Variants in SCYL3 observed in about 807,000 individuals in gnomAD.
SCYL3 encodes the protein SCY1 like pseudokinase 3.
Under a neutral mutation model 73.8 loss-of-function variants are expected in SCYL3, and 35 were observed. The ratio of observed to expected loss-of-function variants is 0.47; its 90% CI spans 0.36 to 0.63. The LOEUF is 0.63. SCYL3 is among the 20% of genes least tolerant of loss of function. The pLI, the probability that SCYL3 is intolerant of heterozygous loss-of-function variation, is 0.00. For synonymous variants in SCYL3, 277 were observed against 295.2 expected (o/e 0.94, Z 0.63); for missense variants, 712 against 798.9 (o/e 0.89, Z 1.31).
At position 169,850,555 on chromosome 1, in the gene SCYL3, T is replaced by C; in HGVS notation, c.*3158A>G. 1 of 429,764 alleles carries C rather than the reference T, an allele frequency of 2.3e-6. No homozygotes were observed. 26.6% of individuals were successfully genotyped at this position (429,764 alleles called of 1,614,324 possible). The stretch of plus-strand genomic sequence containing the variant: ...GCTCATGCCTGTAATCCCAGCACTT[T>C]GGGAGGCCAAGGTGGGTGGATCATG... On this transcript the variant is annotated 3_prime_UTR_variant, in exon 13 of 13. Transcript: ENST00000367771.
chr1:169,859,059 T>A lies in SCYL3; in HGVS notation c.1294A>T (p.Thr432Ser), dbSNP rs1659426930. ...TTCTTACCTTCTAGAGAAAGGTCAG[T>A]ATTTTTAGTAAAACTTGGGGCAGTG... Reference protein sequence around the residue: ...KRTAPSFTKNTDLSLEGDPFS... With the variant: ...KRTAPSFTKNSDLSLEGDPFS... The change falls in exon 11 of 13, where the codon ACT becomes TCT. Residue 432 changes from threonine (T) to serine (S), a missense_variant. Transcript: ENST00000367771. The A allele has an allele frequency of 1.2e-6, 2 of 1,613,372 alleles. No homozygotes were observed. Among genetic ancestry groups the A allele is most frequent in the South Asian group, 2.2e-5 (2 of 90,944 alleles).
At chr1:169,874,445 G>T (rs1221977987) in intron 4 of SCYL3, among the ~76,000 whole-genome samples, 5 of 152,180 alleles carry the variant, frequency 3.3e-5, no homozygotes, top group African/African-American at 1.2e-4. Flanking sequence ...ATGCCTAGGG[G>T]AAGGAGTCAC....
chr1:169,862,442 A>G (rs796999652), intron 10 of SCYL3, among the ~76,000 whole-genome samples, 171 bp downstream of exon 10: 4 of 152,374 alleles, frequency 2.6e-5, no homozygotes, highest in African/African-American at 9.6e-5. Context: ...AGTTTAATCA[A>G]TTTGCCTGTG....
At chr1:169,881,322 T>A (rs1661240231) in intron 2 of SCYL3, among the ~76,000 whole-genome samples, 1 of 152,218 alleles carries the variant, frequency 6.6e-6, no homozygotes, top group Non-Finnish European at 1.5e-5. Flanking sequence ...ATAATATGCA[T>A]ATTTTGGGGG....
At chr1:169,893,334 G>T (rs1480868962) in intron 1 of SCYL3, among the ~76,000 whole-genome samples, 1 of 152,116 alleles carries the variant, frequency 6.6e-6, no homozygotes, top group Non-Finnish European at 1.5e-5. Flanking sequence ...GAGGGCGGGC[G>T]CGCCCCCAGG....
intron 4 of SCYL3, among the ~76,000 whole-genome samples, chr1:169,874,622 T>C (rs1159494691): frequency 3.3e-5 from 5 of 152,126 alleles, no homozygotes; most frequent in Non-Finnish European, 4.4e-5. Context: ...AACCAGACTA[T>C]AGCTCAAGAA....
At chr1:169,854,115 G>T in intron 12 of SCYL3, 155 bp downstream of exon 12, 1 of 629,244 alleles carries the variant, frequency 1.6e-6, no homozygotes, top group Non-Finnish European at 2.6e-6. Context: ...GGGAAGGAAA[G>T]ATAGATACCA....
chr1:169,878,544 A>G, intron 3 of SCYL3, 90 bp downstream of exon 3: 1 of 1,113,258 alleles, frequency 9.0e-7, no homozygotes, highest in South Asian at 1.7e-5. Flanking sequence ...ATTTCTATGA[A>G]CACCATAATT....
At chr1:169,874,086 T>C (rs1660623937) in intron 4 of SCYL3, among the ~76,000 whole-genome samples, 1 of 152,156 alleles carries the variant, frequency 6.6e-6, no homozygotes. Context: ...TGCTTAGATA[T>C]TAACAATAAG....
chr1:169,870,975 A>C (rs1660350168), intron 5 of SCYL3, among the ~76,000 whole-genome samples: 1 of 152,232 alleles, frequency 6.6e-6, no homozygotes, highest in African/African-American at 2.4e-5. Flanking sequence ...CTATAAGAAC[A>C]AATTTATAGA....
intron 10 of SCYL3, 60 bp from the exon 11 acceptor site, chr1:169,859,272 G>A: frequency 6.7e-7 from 1 of 1,486,238 alleles, no homozygotes; most frequent in Non-Finnish European, 9.1e-7. Flanking sequence ...TTCTTCCCCT[G>A]TAAATGAGCA....
chr1:169,853,164 A>G lies in SCYL3; in HGVS notation c.*549T>C. On this transcript the variant is annotated 3_prime_UTR_variant, in exon 13 of 13. Transcript: ENST00000367771. ...ATATTCTTATTAAGAACTTTGGTACAATGTACTACATGTGGAACAGTCAGG... is the reference window on the plus strand; with the variant it reads ...ATATTCTTATTAAGAACTTTGGTACGATGTACTACATGTGGAACAGTCAGG... 3.1e-6 allele frequency: 2 copies of G among 653,316 alleles called. No individual in the cohort carries two copies. The highest frequency in any genetic ancestry group is 5.3e-6 in the Non-Finnish European group (2 of 380,432). 40.5% of individuals were successfully genotyped at this position (653,316 alleles called of 1,614,324 possible).
In SCYL3 at chr1:169,850,120, A is replaced by T; in HGVS notation, c.*3593T>A. ...GTATTATCCTTAGGGACCCTGAAGG[A>T]ATCATGAGTTTATCACCTTTGAGGA... On this transcript the variant is annotated 3_prime_UTR_variant, in exon 13 of 13. Transcript: ENST00000367771. 1 of 605,526 alleles carries T rather than the reference A, an allele frequency of 1.7e-6. No individual in the cohort carries two copies. Among genetic ancestry groups the T allele is most frequent in the South Asian group, 2.0e-5 (1 of 48,872 alleles). The allele number at this position is 605,526 out of a possible 1,614,324, so 37.5% of individuals were successfully genotyped here.
Position 169,853,181 on chromosome 1 carries a change from A to ACAGT in SCYL3, c.*528_*531dup. The ACAGT allele has an allele frequency of 1.6e-6, 1 of 607,888 alleles. No homozygotes were observed. The highest frequency in any genetic ancestry group is 2.9e-6 in the Non-Finnish European group (1 of 345,902). 37.7% of individuals were successfully genotyped at this position (607,888 alleles called of 1,614,324 possible). On this transcript the variant is annotated 3_prime_UTR_variant, in exon 13 of 13. Coordinates refer to ENST00000367771, the MANE Select transcript of SCYL3 (RefSeq NM_020423.7). ...TTTGGTACAATGTACTACATGTGGA[A>ACAGT]CAGTCAGGAACTGCCTAGGTCCACA...
At chr1:169,874,610 G>GT (rs1660661602) in intron 4 of SCYL3, among the ~76,000 whole-genome samples, 1 of 152,168 alleles carries the variant, frequency 6.6e-6, no homozygotes, top group African/African-American at 2.4e-5. Flanking sequence ...GGAACAAGAT[G>GT]TAACCAGACT....
At chr1:169,876,685 G>A (rs1423992177) in intron 3 of SCYL3, among the ~76,000 whole-genome samples, 1 of 152,118 alleles carries the variant, frequency 6.6e-6, no homozygotes, top group African/African-American at 2.4e-5. Flanking sequence ...GCCAGGTGCA[G>A]TGGCTCACGC....
At chr1:169,884,124 C>T (rs1008925141) in intron 2 of SCYL3, among the ~76,000 whole-genome samples, 7 of 151,942 alleles carry the variant, frequency 4.6e-5, no homozygotes, top group East Asian at 1.9e-4. Context: ...TTGTTACCCT[C>T]GAGTTAATTC....
intron 5 of SCYL3, among the ~76,000 whole-genome samples, chr1:169,871,968 T>C (rs1660438015): frequency 6.6e-6 from 1 of 152,204 alleles, no homozygotes; most frequent in Non-Finnish European, 1.5e-5. Context: ...GCATAAAAGC[T>C]TGGGAAGTTT....
At position 169,851,733 on chromosome 1, in the gene SCYL3, C is replaced by G; in HGVS notation, c.*1980G>C. ...AATTTGCCTAGTATGGTTGAACACT[C>G]AGCACTTAAATTATGTGGCCATTTC... is the stretch of plus-strand genomic sequence containing the variant. On this transcript the variant is annotated 3_prime_UTR_variant, in exon 13 of 13. Coordinates refer to ENST00000367771, the MANE Select transcript of SCYL3 (RefSeq NM_020423.7). 6.6e-7 allele frequency: 1 copy of G among 1,523,492 alleles called. No homozygotes were observed. Among genetic ancestry groups the G allele is most frequent in the South Asian group, 1.3e-5 (1 of 77,858 alleles). The allele number at this position is 1,523,492 out of a possible 1,614,324, so 94.4% of individuals were successfully genotyped here. A position where few individuals can be genotyped will look rare whatever the true frequency, so the allele number is the denominator to read the frequency against.
Sources: allele counts gnomAD v4.1 joint callset (sites outside exome capture counted in the v4.1 genomes callset), GRCh38; gene constraint gnomAD v4.1.1; transcripts MANE v1.5; gene names NCBI Gene and HGNC (gene_info 2026-07-23, HGNC 2026-07-21).